SYT1: variants seen among roughly 807,000 people sequenced by gnomAD.
SYT1 encodes synaptotagmin 1.
SYT1 carries 8 observed loss-of-function variants against 44.8 expected under a neutral mutation model. The observed-to-expected ratio is 0.18, with a 90% CI of 0.10 to 0.32. The LOEUF (loss-of-function observed/expected upper bound fraction) is 0.32, where lower values mean the gene tolerates loss of function less well. Among genes scored for constraint, SYT1 ranks in the 10% least tolerant of loss-of-function variants. SYT1 has a pLI of 1.00. For missense variants in SYT1, 286 were observed against 509.3 expected (o/e 0.56, Z 4.22); for synonymous variants, 154 against 188.8 (o/e 0.82, Z 1.51).
chr12:79,441,340 G>C (rs967689901), intron 9 of SYT1, among the ~76,000 whole-genome samples: 1 of 152,096 alleles, frequency 6.6e-6, no homozygotes, highest in South Asian at 2.1e-4. Flanking sequence ...GTTGTTGTGA[G>C]ATTCTGCCTC....
chr12:79,213,201 G>A (rs753604808), intron 3 of SYT1, among the ~76,000 whole-genome samples: 9 of 152,086 alleles, frequency 5.9e-5, no homozygotes, highest in East Asian at 5.8e-4. Context: ...GTTTTTATGC[G>A]AAACTTCTCT....
chr12:79,382,768 G>A (rs930635175), intron 9 of SYT1, among the ~76,000 whole-genome samples: 2 of 152,140 alleles, frequency 1.3e-5, no homozygotes, highest in Admixed American at 6.5e-5. Flanking sequence ...CAAATGTTAC[G>A]TGCTCCAAAC....
intron 9 of SYT1, chr12:79,393,694 G>A (rs1884759263): frequency 6.6e-6 from 1 of 152,032 alleles, no homozygotes; most frequent in African/African-American, 2.4e-5. Context: ...TGTAGATTCT[G>A]GATATTAGCC....
intron 3 of SYT1, among the ~76,000 whole-genome samples, chr12:79,055,542 C>T (rs897519526): frequency 6.6e-6 from 1 of 151,912 alleles, no homozygotes; most frequent in Non-Finnish European, 1.5e-5. Flanking sequence ...TTGCATTATT[C>T]TCCTTTGTAA....
At chr12:79,030,870 C>T (rs932422085) in intron 2 of SYT1, among the ~76,000 whole-genome samples, 1 of 150,916 alleles carries the variant, frequency 6.6e-6, no homozygotes, top group Non-Finnish European at 1.5e-5. Flanking sequence ...CCTACATTGT[C>T]TTTAAATAAT....
At chr12:79,284,580 G>A (rs935242085) in intron 4 of SYT1, among the ~76,000 whole-genome samples, 11 of 152,128 alleles carry the variant, frequency 7.2e-5, no homozygotes, top group African/African-American at 2.7e-4. Context: ...GTTCACGCCT[G>A]TAATCCCAGC....
chr12:78,974,760 A>G (rs1363003453), intron 1 of SYT1, among the ~76,000 whole-genome samples: 2 of 152,062 alleles, frequency 1.3e-5, no homozygotes, highest in African/African-American at 2.4e-5. Flanking sequence ...TTAAACCAAT[A>G]TAATAGTTAT....
At chr12:79,295,333 C>T (rs1165205534) in intron 6 of SYT1, among the ~76,000 whole-genome samples, 1 of 152,026 alleles carries the variant, frequency 6.6e-6, no homozygotes, top group Admixed American at 6.5e-5. Flanking sequence ...AGTAAGAAAA[C>T]AGACTTAAAG....
intron 3 of SYT1, among the ~76,000 whole-genome samples, chr12:79,138,855 C>CA (rs1869370276): frequency 6.6e-6 from 1 of 152,132 alleles, no homozygotes; most frequent in Non-Finnish European, 1.5e-5. Context: ...GGCAAGTGTG[C>CA]CACTTGCCTT....
intron 3 of SYT1, among the ~76,000 whole-genome samples, chr12:79,214,461 C>A (rs1258976466): frequency 6.6e-6 from 1 of 152,058 alleles, no homozygotes; most frequent in East Asian, 1.9e-4. Flanking sequence ...AAATGTTGAC[C>A]CTGTTTAGCA....
At chr12:78,988,318 T>G (rs1027785818) in intron 2 of SYT1, among the ~76,000 whole-genome samples, 1 of 150,558 alleles carries the variant, frequency 6.6e-6, no homozygotes, top group African/African-American at 2.4e-5. Flanking sequence ...TACTATGTTA[T>G]CTTTATATCA....
At chr12:79,306,986 A>G (rs2138909149) in intron 8 of SYT1, among the ~76,000 whole-genome samples, 1 of 152,260 alleles carries the variant, frequency 6.6e-6, no homozygotes, top group African/African-American at 2.4e-5. Flanking sequence ...ACAGATTTAA[A>G]CCTATTCAAA....
chr12:79,292,402 C>T (rs1349482527), intron 6 of SYT1, among the ~76,000 whole-genome samples: 2 of 152,180 alleles, frequency 1.3e-5, no homozygotes, highest in Non-Finnish European at 2.9e-5. Flanking sequence ...AGCAGTCGGT[C>T]TGCTTCTGAG....
At chr12:79,376,353 A>G (rs962572553) in intron 9 of SYT1, among the ~76,000 whole-genome samples, 7 of 152,208 alleles carry the variant, frequency 4.6e-5, no homozygotes, top group African/African-American at 1.4e-4. Flanking sequence ...CAAAGGGTGG[A>G]TTATTCATGC....
intron 9 of SYT1, among the ~76,000 whole-genome samples, chr12:79,361,925 G>A (rs548671343): frequency 1.3e-5 from 2 of 152,066 alleles, no homozygotes; most frequent in Non-Finnish European, 2.9e-5. Context: ...ATTGGGAGAG[G>A]GGCAGTATGA....
At chr12:78,915,898 A>G (rs1368709809) in intron 1 of SYT1, among the ~76,000 whole-genome samples, 3 of 151,994 alleles carry the variant, frequency 2.0e-5, no homozygotes, top group African/African-American at 7.2e-5. Context: ...AATTCTATAT[A>G]TTTTTATTAA....
chr12:79,026,299 T>C (rs1252690930), intron 2 of SYT1, among the ~76,000 whole-genome samples: 1 of 151,544 alleles, frequency 6.6e-6, no homozygotes, highest in Non-Finnish European at 1.5e-5. Flanking sequence ...TTATTATTGC[T>C]TCTTGATGAA....
intron 1 of SYT1, among the ~76,000 whole-genome samples, chr12:78,881,786 T>C (rs1353256935): frequency 3.3e-5 from 5 of 151,080 alleles, no homozygotes; most frequent in Non-Finnish European, 5.9e-5. Context: ...AAAGAGGAGA[T>C]AAAAGAAGAA....
chr12:79,253,201 G>A (rs185363654), intron 4 of SYT1, among the ~76,000 whole-genome samples: 49 of 152,152 alleles, frequency 3.2e-4, no homozygotes, highest in African/African-American at 9.9e-4. Flanking sequence ...TAAAGATACC[G>A]CAGATTTTTT....
Sources: gnomAD v4.1 joint callset for allele counts (sites outside exome capture counted in the v4.1 genomes callset) on GRCh38, gnomAD v4.1.1 for gene constraint, MANE v1.5 for transcripts, NCBI Gene and HGNC (gene_info 2026-07-23, HGNC 2026-07-21) for gene names.